ADAP2: variants seen among roughly 807,000 people sequenced by gnomAD.
ADAP2 encodes the protein arf-GAP with dual PH domain-containing protein 2.
In ADAP2, 42 loss-of-function variants were observed where a neutral mutation model predicts 54.9. That is an observed-to-expected ratio of 0.77 (90% confidence interval 0.60 to 0.99). ADAP2 has a LOEUF of 0.99. ADAP2 is among the 50% of genes least tolerant of loss of function. The pLI, the probability that ADAP2 is intolerant of heterozygous loss-of-function variation, is 0.00. For synonymous variants in ADAP2, 177 were observed against 180.1 expected (o/e 0.98, Z 0.14); for missense variants, 429 against 480.4 (o/e 0.89, Z 1.00).
chr17:30,930,038 C>T (rs1040925288), intron 3 of ADAP2, among the ~76,000 whole-genome samples: 1 of 141,312 alleles, frequency 7.1e-6, no homozygotes, highest in Non-Finnish European at 1.6e-5. Flanking sequence ...TTGTAAGCGA[C>T]AGAAACCTTA....
Position 30,956,553 on chromosome 17 carries a change from A to G in ADAP2, c.1111+84A>G, listed in dbSNP as rs1330331722. 3.3e-6 allele frequency: 4 copies of G among 1,196,190 alleles called. No individual in the cohort carries two copies. The Admixed American group carries it at 6.4e-5, about 19-fold the overall frequency. The allele number at this position is 1,196,190 out of a possible 1,614,324, so 74.1% of individuals were successfully genotyped here. ...TTCTTCACTTAGGTTCAGCTTTGAT[A>G]CCACAAAAGATTCCTGATTCCTGAC... On this transcript the variant is annotated intron_variant, in intron 10 of 10. Coordinates refer to ENST00000330889, the MANE Select transcript of ADAP2 (RefSeq NM_018404.3).
At chr17:30,923,532 G>A (rs931422841) in intron 2 of ADAP2, among the ~76,000 whole-genome samples, 2 of 151,494 alleles carry the variant, frequency 1.3e-5, no homozygotes, top group Non-Finnish European at 2.9e-5. Context: ...CCAAAGTGCT[G>A]GGATTACAGG....
intron 10 of ADAP2, among the ~76,000 whole-genome samples, chr17:30,957,161 G>T (rs1235038267): frequency 6.6e-6 from 1 of 152,212 alleles, no homozygotes; most frequent in Non-Finnish European, 1.5e-5. Flanking sequence ...CTTTGAGTCT[G>T]ACTGATATAA....
rs558319310 is a variant in ADAP2, at chr17:30,944,870, G to T, written c.511-37G>T. The T allele has an allele frequency of 8.1e-6, 13 of 1,605,702 alleles. 1 individual carries two copies. The South Asian group carries it at 1.4e-4, about 18-fold the overall frequency. ...AAGGTTGACCAGAAGTCACCCTGTG[G>T]ACTGTCAGCGTCTTTCTTTCTCTTT... On this transcript the variant is annotated intron_variant, in intron 5 of 10. Coordinates refer to ENST00000330889, the MANE Select transcript of ADAP2 (RefSeq NM_018404.3).
At chr17:30,952,367 C>A (rs1029473571) in intron 7 of ADAP2, among the ~76,000 whole-genome samples, 7 of 152,230 alleles carry the variant, frequency 4.6e-5, no homozygotes, top group African/African-American at 2.4e-5. Flanking sequence ...GCATCATTTT[C>A]TTTTCTTTTT....
chr17:30,930,725 C>T (rs569705240), intron 3 of ADAP2, among the ~76,000 whole-genome samples: 2 of 152,170 alleles, frequency 1.3e-5, no homozygotes, highest in Non-Finnish European at 2.9e-5. Flanking sequence ...TAGGTCATTC[C>T]TGTGGCTATG....
chr17:30,952,937 A>G (rs1002036781), intron 7 of ADAP2, among the ~76,000 whole-genome samples: 1 of 151,988 alleles, frequency 6.6e-6, no homozygotes, highest in African/African-American at 2.4e-5. Context: ...TCGCAGGGTG[A>G]TTGAGAATTG....
At position 30,958,053 on chromosome 17, in the gene ADAP2, A is replaced by G; in HGVS notation, c.*184A>G. Reference sequence around the variant, plus strand: ...GCTCCCTGGGCCTTCCCCGCAACCCACCTCGGGGATCTGAGGATCTGGTGC... The same window carrying G: ...GCTCCCTGGGCCTTCCCCGCAACCCGCCTCGGGGATCTGAGGATCTGGTGC... On this transcript the variant is annotated 3_prime_UTR_variant, in exon 11 of 11. Transcript: ENST00000330889. 1.6e-6 allele frequency: 1 copy of G among 628,126 alleles called. No individual in the cohort carries two copies. The highest frequency in any genetic ancestry group is 2.8e-5 in the East Asian group (1 of 35,996). 38.9% of individuals were successfully genotyped at this position (628,126 alleles called of 1,614,324 possible).
Position 30,945,010 on chromosome 17 carries a change from A to G in ADAP2, c.614A>G (p.Asp205Gly). 6.2e-7 allele frequency: 1 copy of G among 1,614,108 alleles called. No homozygotes were observed. The highest frequency in any genetic ancestry group is 2.2e-5 in the East Asian group (1 of 44,876). The change falls in exon 6 of 11, where the codon GAT becomes GGT. Residue 205 changes from aspartate to glycine, a missense_variant. By Grantham distance (94) the Asp-to-Gly change is moderately conservative. Coordinates refer to ENST00000330889, the MANE Select transcript of ADAP2 (RefSeq NM_018404.3). ...PHGLQITYRRDGHTRNLFVYH... is the reference protein window; with the variant it reads ...PHGLQITYRRGGHTRNLFVYH... ...GGGCTGCAGATCACCTACAGGAGAG[A>G]TGGCCACACCAGGAACCTGTTTGTG... is the stretch of plus-strand genomic sequence containing the variant.
intron 3 of ADAP2, among the ~76,000 whole-genome samples, chr17:30,927,132 T>C (rs1425576545): frequency 6.6e-6 from 1 of 152,122 alleles, no homozygotes; most frequent in African/African-American, 2.4e-5. Flanking sequence ...TGTCTCTTCC[T>C]TTCTCTGGGC....
chr17:30,922,864 C>G, intron 1 of ADAP2, 76 bp from the exon 2 acceptor site: 1 of 1,535,518 alleles, frequency 6.5e-7, no homozygotes, highest in Non-Finnish European at 8.8e-7. Context: ...CCCCACCTGC[C>G]CCAGTGCCCC....
At chr17:30,942,199 C>T (rs1364803256) in intron 5 of ADAP2, among the ~76,000 whole-genome samples, 2 of 152,138 alleles carry the variant, frequency 1.3e-5, no homozygotes, top group Admixed American at 6.6e-5. Flanking sequence ...CCACAGTGCC[C>T]GGCCCAAACT....
chr17:30,944,617 G>A (rs1197278139), intron 5 of ADAP2, among the ~76,000 whole-genome samples: 7 of 152,092 alleles, frequency 4.6e-5, no homozygotes, highest in Non-Finnish European at 2.9e-5. Flanking sequence ...CTACCACCAC[G>A]CCCAGCTAAT....
chr17:30,949,330 A>G lies in ADAP2; in HGVS notation c.701A>G (p.Gln234Arg). Reference protein sequence around the residue: ...WFNALRAARLQYLKMAFPELP... With the variant: ...WFNALRAARLRYLKMAFPELP... Reference sequence around the variant, plus strand: ...AATGCCCTCCGTGCAGCCCGTCTGCAGTACCTAAAAATGGCCTTTCCTGAA... The same window carrying G: ...AATGCCCTCCGTGCAGCCCGTCTGCGGTACCTAAAAATGGCCTTTCCTGAA... The change falls in exon 7 of 11, where the codon CAG becomes CGG. Residue 234 changes from glutamine (Q) to arginine (R), a missense_variant. Physicochemically the swap from Gln to Arg is conservative, Grantham distance 43. Transcript: ENST00000330889. 1 of 1,614,164 alleles carries G rather than the reference A, an allele frequency of 6.2e-7. No individual in the cohort carries two copies. The highest frequency in any genetic ancestry group is 8.5e-7 in the Non-Finnish European group (1 of 1,180,010).
intron 5 of ADAP2, among the ~76,000 whole-genome samples, chr17:30,942,600 G>A (rs548683337): frequency 7.9e-5 from 12 of 152,136 alleles, no homozygotes; most frequent in Admixed American, 2.0e-4. Context: ...TATATATATC[G>A]GAACAATCTA....
rs1401316981 is a variant in ADAP2, at chr17:30,945,046, G to T, written c.650G>T (p.Ser217Ile). The change falls in exon 6 of 11, where the codon AGT (serine) becomes ATT (isoleucine). Residue 217 changes from serine to isoleucine, a missense_variant. Transcript: ENST00000330889. ...AGGAACCTGTTTGTGTATCATGAAA[G>T]TGGGAAGGTGAGATGCCTGGAGTTG... is the stretch of plus-strand genomic sequence containing the variant. ...HTRNLFVYHESGKEIVDWFNA... is the reference protein window; with the variant it reads ...HTRNLFVYHEIGKEIVDWFNA... 1.2e-6 allele frequency: 2 copies of T among 1,613,838 alleles called. No individual in the cohort carries two copies. The highest frequency in any genetic ancestry group is 3.3e-5 in the Admixed American group (2 of 59,936).
At chr17:30,956,568 T>C in intron 10 of ADAP2, 99 bp downstream of exon 10, 1 of 1,067,748 alleles carries the variant, frequency 9.4e-7, no homozygotes, top group Non-Finnish European at 1.4e-6. Flanking sequence ...AAAAGATTCC[T>C]GATTCCTGAC....
rs1262655289 is a variant in ADAP2 at position 30,956,383 on chromosome 17, C to A, written c.1025C>A (p.Thr342Asn). The A allele has an allele frequency of 1.2e-6, 2 of 1,614,222 alleles. No homozygotes were observed. The highest frequency in any genetic ancestry group is 1.7e-6 in the Non-Finnish European group (2 of 1,180,032). The change falls in exon 10 of 11, where the codon ACT (threonine) becomes AAT (asparagine). Residue 342 changes from threonine (T) to asparagine (N), a missense_variant. By Grantham distance (65) the Thr-to-Asn change is moderately conservative. Coordinates refer to ENST00000330889, the MANE Select transcript of ADAP2 (RefSeq NM_018404.3). The stretch of plus-strand genomic sequence containing the variant: ...ACCCCAGAGCGGAGATTTGTCCTCA[C>A]TTGCCCCAGTGAGAAGGAACAGCAG... The part of the protein sequence containing the change: ...IVTPERRFVL[T>N]CPSEKEQQEW...
intron 2 of ADAP2, among the ~76,000 whole-genome samples, chr17:30,924,866 G>GTT (rs201358322): frequency 3.4e-5 from 5 of 147,018 alleles, no homozygotes; most frequent in Non-Finnish European, 1.5e-5. Flanking sequence ...TTTCTTTTTT[G>GTT]TTTTTTTTGT....
Sources: allele counts gnomAD v4.1 joint callset (sites outside exome capture counted in the v4.1 genomes callset), GRCh38; gene constraint gnomAD v4.1.1; transcripts MANE v1.5; gene names NCBI Gene and HGNC (gene_info 2026-07-23, HGNC 2026-07-21).